The following ADK variants were observed in gnomAD, a reference collection of about 807,000 sequenced individuals.
ADK encodes the protein adenosine kinase, also known as N6,N6-dimethyladenosine kinase.
In ADK, 24 loss-of-function variants were observed where a neutral mutation model predicts 44.7. The observed-to-expected ratio is 0.54, with a 90% CI of 0.39 to 0.76. The LOEUF is 0.76. ADK is among the 30% of genes least tolerant of loss of function. The pLI is 0.00. For missense variants in ADK, 321 were observed against 425.1 expected (o/e 0.76, Z 2.15); for synonymous variants, 128 against 142.6 (o/e 0.90, Z 0.73).
At chr10:74,594,780 A>G (rs1851843128) in intron 8 of ADK, among the ~76,000 whole-genome samples, 1 of 152,204 alleles carries the variant, frequency 6.6e-6, no homozygotes. Flanking sequence ...CTCACAGTTT[A>G]TAAAACCTTT....
At chr10:74,409,927 T>G (rs1844106998) in intron 6 of ADK, among the ~76,000 whole-genome samples, 1 of 152,200 alleles carries the variant, frequency 6.6e-6, no homozygotes, top group African/African-American at 2.4e-5. Context: ...TGAGTAACAA[T>G]TTTTCTTAGT....
At chr10:74,180,786 C>G (rs1026113373) in intron 1 of ADK, among the ~76,000 whole-genome samples, 1 of 152,074 alleles carries the variant, frequency 6.6e-6, no homozygotes, top group African/African-American at 2.4e-5. Flanking sequence ...TTCCTGACGT[C>G]GTGATCCCCC....
At chr10:74,274,732 GTATATATATATATATACACACACACATTA>G (rs1846596303) in intron 3 of ADK, among the ~76,000 whole-genome samples, 2 of 84,170 alleles carry the variant, frequency 2.4e-5, no homozygotes. Flanking sequence ...TTTAATGTGT[GTATATATATATATATACACACACACATTA>G]TATATATATA....
At chr10:74,534,938 T>C (rs1849402426) in intron 7 of ADK, among the ~76,000 whole-genome samples, 1 of 152,214 alleles carries the variant, frequency 6.6e-6, no homozygotes, top group Non-Finnish European at 1.5e-5. Context: ...CATTATTTAA[T>C]TATTTAACAT....
intron 4 of ADK, among the ~76,000 whole-genome samples, chr10:74,363,804 G>A (rs531271520): frequency 2.0e-5 from 3 of 152,310 alleles, no homozygotes; most frequent in East Asian, 3.9e-4. Context: ...GGTCAGAGCT[G>A]AGAATGGACC....
At chr10:74,376,997 G>A (rs1842839105) in intron 4 of ADK, among the ~76,000 whole-genome samples, 1 of 152,024 alleles carries the variant, frequency 6.6e-6, no homozygotes, top group South Asian at 2.1e-4. Context: ...TCTCATCTGT[G>A]AGCCATCATA....
chr10:74,278,244 C>T (rs1846776435), intron 3 of ADK, among the ~76,000 whole-genome samples: 1 of 151,344 alleles, frequency 6.6e-6, no homozygotes, highest in African/African-American at 2.4e-5. Flanking sequence ...AACCCAGCTA[C>T]TCGGGAGGCT....
At chr10:74,380,231 G>T (rs1842936801) in intron 4 of ADK, among the ~76,000 whole-genome samples, 1 of 152,138 alleles carries the variant, frequency 6.6e-6, no homozygotes, top group South Asian at 2.1e-4. Context: ...TCAAGTAACA[G>T]GATGGTACCT....
intron 2 of ADK, among the ~76,000 whole-genome samples, chr10:74,205,462 G>C (rs1843557886): frequency 6.6e-6 from 1 of 152,030 alleles, no homozygotes; most frequent in African/African-American, 2.4e-5. Flanking sequence ...GATCACTTGA[G>C]GTCAGGAGTT....
chr10:74,205,758 T>C (rs954831149), intron 2 of ADK, among the ~76,000 whole-genome samples: 3 of 150,372 alleles, frequency 2.0e-5, no homozygotes, highest in Non-Finnish European at 4.4e-5. Context: ...GAAAACTCCA[T>C]ATAATTATCT....
intron 3 of ADK, among the ~76,000 whole-genome samples, chr10:74,293,300 T>C (rs1020460167): frequency 3.3e-5 from 5 of 152,050 alleles, no homozygotes; most frequent in African/African-American, 1.2e-4. Flanking sequence ...TACTTTTGTA[T>C]GTTTAAAAAA....
In ADK at chr10:74,282,698, A is replaced by C. The variant is rs113541666; in HGVS notation, c.195-31969A>C. 5.0e-3 allele frequency among the ~76,000 whole-genome samples: 764 copies of C among 152,230 alleles called. 11 individuals carry two copies. The highest frequency in any genetic ancestry group is 0.017 in the African/African-American group (712 of 41,532). ...TTCAGAAATGTTCTTGGTTGTGACA[A>C]ATATATATATGAAGCTTTTCCTTGT... On this transcript the variant is annotated intron_variant, in intron 3 of 10. Coordinates refer to ENST00000539909, the MANE Select transcript of ADK (RefSeq NM_006721.4).
intron 1 of ADK, among the ~76,000 whole-genome samples, chr10:74,172,904 CAAA>C (rs201918365): frequency 7.3e-5 from 8 of 109,480 alleles, no homozygotes; most frequent in Admixed American, 9.0e-5. Flanking sequence ...GACTCCATGT[CAAA>C]AAAAAAAAAA....
intron 2 of ADK, among the ~76,000 whole-genome samples, chr10:74,212,135 CA>C (rs1843836890): frequency 6.6e-6 from 1 of 152,120 alleles, no homozygotes. Flanking sequence ...GGGGCTTCCT[CA>C]AAAAACAACC....
chr10:74,631,077 C>A (rs1853399964), intron 9 of ADK, among the ~76,000 whole-genome samples: 1 of 151,982 alleles, frequency 6.6e-6, no homozygotes, highest in South Asian at 2.1e-4. Flanking sequence ...TTTCTGACTT[C>A]CTTACATTCT....
At chr10:74,198,262 C>CT (rs1165982358) in intron 1 of ADK, among the ~76,000 whole-genome samples, 1 of 152,140 alleles carries the variant, frequency 6.6e-6, no homozygotes, top group Non-Finnish European at 1.5e-5. Flanking sequence ...ACTTAAAATA[C>CT]TTTTTTATTA....
At chr10:74,348,277 G>A (rs1225518777) in intron 4 of ADK, among the ~76,000 whole-genome samples, 2 of 152,150 alleles carry the variant, frequency 1.3e-5, no homozygotes, top group East Asian at 3.9e-4. Context: ...CTCCATTGGT[G>A]ATACTCAGGC....
intron 4 of ADK, among the ~76,000 whole-genome samples, chr10:74,335,476 G>A (rs1429628737): frequency 6.6e-6 from 1 of 152,078 alleles, no homozygotes; most frequent in African/African-American, 2.4e-5. Context: ...TTCTATCATC[G>A]TGATGTACTG....
intron 9 of ADK, among the ~76,000 whole-genome samples, chr10:74,608,142 C>T (rs1852401935): frequency 6.6e-6 from 1 of 151,666 alleles, no homozygotes; most frequent in Non-Finnish European, 1.5e-5. Context: ...AACCTTTTTT[C>T]AAGGTTCTTA....
Sources: gnomAD v4.1 joint callset for allele counts (sites outside exome capture counted in the v4.1 genomes callset) on GRCh38, gnomAD v4.1.1 for gene constraint, MANE v1.5 for transcripts, NCBI Gene and HGNC (gene_info 2026-07-23, HGNC 2026-07-21) for gene names.